The following MBD5 variants were observed in gnomAD, a reference collection of about 807,000 sequenced individuals.
MBD5 encodes the protein methyl-CpG-binding domain protein 5.
A neutral mutation model predicts 117.3 loss-of-function variants in MBD5; 13 were observed. The ratio of observed to expected loss-of-function variants is 0.11; its 90% CI spans 0.07 to 0.18. The LOEUF is 0.18. MBD5 is among the 10% of genes least tolerant of loss of function. MBD5 has a pLI of 1.00. For synonymous variants in MBD5, 727 were observed against 766.4 expected (o/e 0.95, Z 0.85); for missense variants, 1,879 against 2,093.8 (o/e 0.90, Z 2.00).
At chr2:148,051,161 A>T (rs957901651) in intron 1 of MBD5, among the ~76,000 whole-genome samples, 4 of 152,034 alleles carry the variant, frequency 2.6e-5, no homozygotes, top group African/African-American at 9.7e-5. Flanking sequence ...ATTCTTAAGT[A>T]TTTTATTCCA....
intron 11 of MBD5, among the ~76,000 whole-genome samples, chr2:148,491,231 T>C (rs1433753098): frequency 6.6e-6 from 1 of 151,734 alleles, no homozygotes; most frequent in African/African-American, 2.4e-5. Context: ...ATCACATAAA[T>C]TAAATGAAAG....
At chr2:148,326,292 C>A (rs970677826) in intron 3 of MBD5, among the ~76,000 whole-genome samples, 2 of 152,034 alleles carry the variant, frequency 1.3e-5, no homozygotes, top group African/African-American at 2.4e-5. Flanking sequence ...TGGTGTGGTG[C>A]TGAAAAAAAT....
At chr2:148,211,723 T>C (rs753590076) in intron 2 of MBD5, among the ~76,000 whole-genome samples, 2 of 152,196 alleles carry the variant, frequency 1.3e-5, no homozygotes, top group African/African-American at 2.4e-5. Context: ...TACTTTAAAA[T>C]GTGCATGTTC....
intron 1 of MBD5, among the ~76,000 whole-genome samples, chr2:148,137,374 T>C (rs762271600): frequency 2.6e-5 from 4 of 152,230 alleles, no homozygotes; most frequent in Non-Finnish European, 5.9e-5. Context: ...TGCTGCTGTC[T>C]ATACTATCCT....
chr2:148,243,460 A>C (rs17274896), intron 3 of MBD5, among the ~76,000 whole-genome samples: 45,595 of 151,888 alleles, frequency 0.3, 7,338 homozygotes, highest in South Asian at 0.43. Context: ...AAGCAAACAA[A>C]CCTGTTTACG....
chr2:148,360,096 T>C (rs1048237259), intron 4 of MBD5, among the ~76,000 whole-genome samples: 1 of 152,004 alleles, frequency 6.6e-6, no homozygotes, highest in Non-Finnish European at 1.5e-5. Context: ...TCTGTAACTG[T>C]ATATTATTAT....
At chr2:148,280,866 G>A (rs1256992942) in intron 3 of MBD5, among the ~76,000 whole-genome samples, 1 of 152,108 alleles carries the variant, frequency 6.6e-6, no homozygotes, top group East Asian at 1.9e-4. Context: ...TAAGTGTTTA[G>A]GCTACAGTTG....
chr2:148,401,729 A>C lies in MBD5; in HGVS notation c.-556-56474A>C, dbSNP rs141092640. On this transcript the variant is annotated intron_variant, in intron 4 of 13. Transcript: ENST00000642680. Reference sequence around the variant, plus strand: ...AAAACTAAGACATTAACATTGGTACAGTATTGTTAGCTAAAGGCTTTCTTT... The same window carrying C: ...AAAACTAAGACATTAACATTGGTACCGTATTGTTAGCTAAAGGCTTTCTTT... Among the ~76,000 whole-genome samples the C allele has an allele frequency of 7.9e-4, 121 of 152,256 alleles. 1 individual carries two copies. The highest frequency in any genetic ancestry group is 2.7e-3 in the African/African-American group (111 of 41,566).
chr2:148,059,741 G>C (rs774792284), intron 1 of MBD5, among the ~76,000 whole-genome samples: 125 of 152,028 alleles, frequency 8.2e-4, no homozygotes, highest in Non-Finnish European at 1.4e-3. Flanking sequence ...AGCTACTTGG[G>C]AGGCTGAGGC....
chr2:148,384,004 A>AT (rs1285231017), intron 4 of MBD5, among the ~76,000 whole-genome samples: 2 of 152,198 alleles, frequency 1.3e-5, no homozygotes, highest in Non-Finnish European at 2.9e-5. Context: ...AGCCAATATC[A>AT]TACTGAATGG....
In MBD5 at chr2:148,497,120, A is replaced by G. The variant is rs190290529; in HGVS notation, c.4963-5316A>G. ...TGATAATGAACCTAATAAATGCCTC[A>G]TATTTGCTTTCTACTTCAGAGCTAT... On this transcript the variant is annotated intron_variant, in intron 11 of 13. Transcript: ENST00000642680. Among the ~76,000 whole-genome samples, 751 of 152,022 alleles carry G rather than the reference A, an allele frequency of 4.9e-3. 8 individuals are homozygous for G. Among genetic ancestry groups the G allele is most frequent in the African/African-American group, 0.017 (712 of 41,554 alleles).
chr2:148,382,974 A>G (rs1424715762), intron 4 of MBD5, among the ~76,000 whole-genome samples: 2 of 151,722 alleles, frequency 1.3e-5, no homozygotes, highest in Non-Finnish European at 2.9e-5. Context: ...AGGGAAATTT[A>G]TAGCACTAAA....
intron 1 of MBD5, among the ~76,000 whole-genome samples, chr2:148,064,121 C>CTTTTTTTTTTTTTTTTTTTTTT (rs200434229): frequency 7.9e-6 from 1 of 126,150 alleles, no homozygotes; most frequent in Non-Finnish European, 1.6e-5. Flanking sequence ...CACCAGCTGT[C>CTTTTTTTTTTTTTTTTTTTTTT]TTTTTTCTTT....
intron 1 of MBD5, among the ~76,000 whole-genome samples, chr2:148,172,946 G>A (rs900498421): frequency 3.3e-5 from 5 of 152,036 alleles, no homozygotes; most frequent in South Asian, 4.2e-4. Flanking sequence ...ACCTGCCTGC[G>A]GAAAAGAGCT....
intron 3 of MBD5, among the ~76,000 whole-genome samples, chr2:148,326,642 G>C (rs1309471819): frequency 1.3e-5 from 2 of 151,890 alleles, no homozygotes; most frequent in East Asian, 3.8e-4. Context: ...TGTTTTATCA[G>C]AGACTAGGAT....
chr2:148,434,433 G>A (rs568669543), intron 4 of MBD5, among the ~76,000 whole-genome samples: 31 of 151,860 alleles, frequency 2.0e-4, no homozygotes, highest in African/African-American at 6.8e-4. Flanking sequence ...TTACTTTTGT[G>A]TTGCTTTTCT....
At chr2:148,258,579 C>A (rs1700650020) in intron 3 of MBD5, among the ~76,000 whole-genome samples, 1 of 152,146 alleles carries the variant, frequency 6.6e-6, no homozygotes, top group Non-Finnish European at 1.5e-5. Context: ...CTCTACATGT[C>A]CTCCTGGCTA....
intron 1 of MBD5, among the ~76,000 whole-genome samples, chr2:148,136,643 G>T (rs1026222600): frequency 6.6e-6 from 1 of 152,154 alleles, no homozygotes; most frequent in Non-Finnish European, 1.5e-5. Flanking sequence ...AAGTTACTTG[G>T]CTAACATGTG....
At chr2:148,423,152 A>G in intron 4 of MBD5, among the ~76,000 whole-genome samples, 1 of 152,178 alleles carries the variant, frequency 6.6e-6, no homozygotes, top group East Asian at 1.9e-4. Context: ...GGTTGAAATG[A>G]TGGAAAAAAT....
Sources: allele counts gnomAD v4.1 joint callset (sites outside exome capture counted in the v4.1 genomes callset), GRCh38; gene constraint gnomAD v4.1.1; transcripts MANE v1.5; gene names NCBI Gene and HGNC (gene_info 2026-07-23, HGNC 2026-07-21).